The following CTNNBL1 variants were observed in gnomAD, a reference collection of about 807,000 sequenced individuals.
CTNNBL1 encodes the protein beta-catenin-like protein 1.
CTNNBL1 carries 31 observed loss-of-function variants against 72.7 expected under a neutral mutation model. That is an observed-to-expected ratio of 0.43 (90% CI 0.32 to 0.58). The LOEUF (loss-of-function observed/expected upper bound fraction) is 0.58. Among genes scored for constraint, CTNNBL1 ranks in the 20% least tolerant of loss-of-function variants. CTNNBL1 has a pLI of 0.08. For synonymous variants in CTNNBL1, 240 were observed against 267.3 expected (o/e 0.90, Z 1.00); for missense variants, 534 against 725.1 (o/e 0.74, Z 3.03).
At chr20:37,821,951 C>G (rs1331103505) in intron 11 of CTNNBL1, among the ~76,000 whole-genome samples, 1 of 152,060 alleles carries the variant, frequency 6.6e-6, no homozygotes, top group East Asian at 1.9e-4. Flanking sequence ...TGCACAACCC[C>G]CAACTGAGAA....
chr20:37,792,537 CA>C (rs2073734287), intron 10 of CTNNBL1, among the ~76,000 whole-genome samples: 1 of 152,150 alleles, frequency 6.6e-6, no homozygotes, highest in African/African-American at 2.4e-5. Context: ...CTTTTTCCTA[CA>C]AACTGCTCCA....
intron 1 of CTNNBL1, among the ~76,000 whole-genome samples, chr20:37,726,914 G>T (rs1568753228): frequency 6.6e-6 from 1 of 152,002 alleles, no homozygotes. Context: ...TACCATTATT[G>T]CTCATTATAG....
intron 13 of CTNNBL1, among the ~76,000 whole-genome samples, chr20:37,852,737 C>T (rs1226106002): frequency 6.6e-6 from 1 of 152,144 alleles, no homozygotes; most frequent in African/African-American, 2.4e-5. Flanking sequence ...CACTGAGCTT[C>T]GCCTCGGCTT....
chr20:37,795,550 C>T (rs2073765886), intron 10 of CTNNBL1, among the ~76,000 whole-genome samples: 1 of 152,042 alleles, frequency 6.6e-6, no homozygotes, highest in African/African-American at 2.4e-5. Context: ...TATTCTTTTT[C>T]CTTTGTGTTT....
At chr20:37,862,193 C>T (rs562272087) in intron 15 of CTNNBL1, among the ~76,000 whole-genome samples, 8 of 152,246 alleles carry the variant, frequency 5.3e-5, no homozygotes, top group South Asian at 4.1e-4. Context: ...GTCAGATTCG[C>T]GTGAATTACT....
At chr20:37,859,596 CG>C (rs1369534863) in intron 13 of CTNNBL1, among the ~76,000 whole-genome samples, 1 of 140,684 alleles carries the variant, frequency 7.1e-6, no homozygotes, top group African/African-American at 2.8e-5. Context: ...ATTTGTGTCC[CG>C]TCAGCTTGTT....
chr20:37,719,654 T>C (rs1334021793), intron 1 of CTNNBL1, among the ~76,000 whole-genome samples: 1 of 152,178 alleles, frequency 6.6e-6, no homozygotes, highest in East Asian at 1.9e-4. Context: ...GTGACACTCA[T>C]TGGCTATCAA....
intron 3 of CTNNBL1, among the ~76,000 whole-genome samples, chr20:37,739,108 GTGTGTGTGTA>G (rs1436881312): frequency 7.6e-6 from 1 of 131,758 alleles, no homozygotes; most frequent in African/African-American, 2.8e-5. Flanking sequence ...GTGTGTGTGT[GTGTGTGTGTA>G]ATTACACAAG....
chr20:37,716,507 T>G (rs974980626), intron 1 of CTNNBL1, among the ~76,000 whole-genome samples: 1 of 152,360 alleles, frequency 6.6e-6, no homozygotes, highest in Middle Eastern at 3.4e-3. Context: ...CATCCTTGTC[T>G]TTATTGGAAA....
intron 11 of CTNNBL1, among the ~76,000 whole-genome samples, chr20:37,812,427 G>T (rs564039275): frequency 6.6e-6 from 1 of 152,240 alleles, no homozygotes; most frequent in South Asian, 2.1e-4. Context: ...GAGCTTCCTG[G>T]GAAATGGGAC....
chr20:37,788,575 G>A (rs1251971588), intron 10 of CTNNBL1, among the ~76,000 whole-genome samples: 1 of 152,246 alleles, frequency 6.6e-6, no homozygotes, highest in African/African-American at 2.4e-5. Flanking sequence ...GCTCAGGGGA[G>A]GCTAGGAGTC....
intron 9 of CTNNBL1, among the ~76,000 whole-genome samples, chr20:37,778,546 G>A (rs997151409): frequency 1.3e-5 from 2 of 152,204 alleles, no homozygotes; most frequent in Admixed American, 6.5e-5. Context: ...TGCATATACA[G>A]TTTAAAGGCT....
chr20:37,803,236 G>A (rs2073837598), intron 11 of CTNNBL1, among the ~76,000 whole-genome samples, 188 bp downstream of exon 11: 1 of 152,148 alleles, frequency 6.6e-6, no homozygotes, highest in South Asian at 2.1e-4. Flanking sequence ...TGTTGCACCA[G>A]TTCTCTGCTT....
intron 6 of CTNNBL1, among the ~76,000 whole-genome samples, chr20:37,765,551 G>A (rs1047092641): frequency 6.6e-6 from 1 of 152,136 alleles, no homozygotes; most frequent in Non-Finnish European, 1.5e-5. Context: ...TCTGGTTAGC[G>A]GGCCTTCGCC....
chr20:37,843,476 G>T (rs2072321843), intron 13 of CTNNBL1, among the ~76,000 whole-genome samples: 1 of 152,152 alleles, frequency 6.6e-6, no homozygotes, highest in African/African-American at 2.4e-5. Flanking sequence ...TAGGGCTGTG[G>T]GGATGTGGGG....
chr20:37,836,879 C>T (rs111525662), intron 11 of CTNNBL1, among the ~76,000 whole-genome samples: 58 of 152,072 alleles, frequency 3.8e-4, no homozygotes, highest in Non-Finnish European at 7.5e-4. Flanking sequence ...AGAACTTTGG[C>T]TCTGATTTTT....
intron 7 of CTNNBL1, 85 bp downstream of exon 7, chr20:37,768,129 TGCTGG>T: frequency 1.8e-6 from 2 of 1,107,062 alleles, no homozygotes. Context: ...TAGACTGTTA[TGCTGG>T]GCCATATGAT....
At chr20:37,744,332 T>C (rs2073243599) in intron 3 of CTNNBL1, among the ~76,000 whole-genome samples, 1 of 152,236 alleles carries the variant, frequency 6.6e-6, no homozygotes, top group Admixed American at 6.5e-5. Flanking sequence ...ATTTAAGTCA[T>C]GTGTACTCTT....
At chr20:37,806,778 T>G (rs1461843241) in intron 11 of CTNNBL1, among the ~76,000 whole-genome samples, 1 of 152,134 alleles carries the variant, frequency 6.6e-6, no homozygotes. Context: ...CAGAAAATAA[T>G]GTTTGCAAGG....
Sources: allele counts gnomAD v4.1 joint callset (sites outside exome capture counted in the v4.1 genomes callset), GRCh38; gene constraint gnomAD v4.1.1; transcripts MANE v1.5; gene names NCBI Gene and HGNC (gene_info 2026-07-23, HGNC 2026-07-21).